PHF20: variants seen among roughly 807,000 people sequenced by gnomAD.
The protein encoded by PHF20 is glioma-expressed antigen 2.
Under a neutral mutation model 113.5 loss-of-function variants are expected in PHF20, and 23 were observed. The observed-to-expected ratio is 0.20, with a 90% CI of 0.15 to 0.29. The LOEUF (loss-of-function observed/expected upper bound fraction) is 0.29, where lower values mean the gene tolerates loss of function less well. Among genes scored for constraint, PHF20 ranks in the 10% least tolerant of loss-of-function variants. The pLI is 1.00. For missense variants in PHF20, 943 were observed against 1,219.6 expected (o/e 0.77, Z 3.38); for synonymous variants, 434 against 457.3 (o/e 0.95, Z 0.65).
intron 3 of PHF20, among the ~76,000 whole-genome samples, chr20:35,845,741 G>C (rs1158714570): frequency 1.3e-5 from 2 of 151,030 alleles, no homozygotes; most frequent in African/African-American, 4.9e-5. Context: ...GCTGCTTTTG[G>C]ATCTGACTCA....
intron 13 of PHF20, among the ~76,000 whole-genome samples, chr20:35,926,121 CAAAAA>C (rs527440244): frequency 1.4e-5 from 1 of 72,342 alleles, no homozygotes; most frequent in Non-Finnish European, 2.9e-5. Flanking sequence ...GACTCCATCT[CAAAAA>C]AAAAAAAAAA....
Position 35,941,098 on chromosome 20 carries a change from C to G in PHF20, c.2896+51C>G, listed in dbSNP as rs752391279. On this transcript the variant is annotated intron_variant, in intron 17 of 17. Coordinates refer to ENST00000374012, the MANE Select transcript of PHF20 (RefSeq NM_016436.5). ...TGCATTGGCATGCAGTCGAGCACCC[C>G]CAGACGAGCTGCTTTCTGAACCCCC... The G allele has an allele frequency of 2.7e-6, 4 of 1,486,322 alleles. No individual in the cohort carries two copies. In the East Asian group the frequency reaches 6.9e-5, roughly 26 times the overall value. 92.1% of individuals were successfully genotyped at this position (1,486,322 alleles called of 1,614,324 possible).
chr20:35,864,842 G>GT (rs1300322588), intron 6 of PHF20, among the ~76,000 whole-genome samples: 4 of 152,076 alleles, frequency 2.6e-5, no homozygotes, highest in African/African-American at 7.2e-5. Flanking sequence ...TGCTGTAAGT[G>GT]TAAGTAAATG....
chr20:35,871,223 G>T, intron 8 of PHF20, 89 bp downstream of exon 8: 1 of 1,037,808 alleles, frequency 9.6e-7, no homozygotes. Flanking sequence ...CCTTCCACAA[G>T]TATTAAATTG....
intron 10 of PHF20, among the ~76,000 whole-genome samples, chr20:35,902,581 A>G (rs1430094976): frequency 6.6e-6 from 1 of 152,292 alleles, no homozygotes; most frequent in South Asian, 2.1e-4. Context: ...TGGGGCAGGT[A>G]TTCCTGGCCA....
chr20:35,947,210 GAC>G (rs1283466725), intron 17 of PHF20, among the ~76,000 whole-genome samples: 1 of 152,210 alleles, frequency 6.6e-6, no homozygotes, highest in Non-Finnish European at 1.5e-5. Flanking sequence ...TGTATTGGAT[GAC>G]ACAGACTTGG....
At chr20:35,791,479 ATCTATCTATCT>A (rs1464820015) in intron 1 of PHF20, among the ~76,000 whole-genome samples, 2 of 132,568 alleles carry the variant, frequency 1.5e-5, no homozygotes, top group Admixed American at 7.4e-5. Flanking sequence ...CTATCTATCT[ATCTATCTATCT>A]ATCTATCTAT....
At chr20:35,824,564 G>A (rs906725863) in intron 2 of PHF20, among the ~76,000 whole-genome samples, 3 of 150,994 alleles carry the variant, frequency 2.0e-5, no homozygotes, top group South Asian at 2.1e-4. Flanking sequence ...CCAAGATCAC[G>A]CCATTGCACT....
chr20:35,894,934 C>T (rs1216438703), intron 9 of PHF20, among the ~76,000 whole-genome samples: 4 of 152,152 alleles, frequency 2.6e-5, no homozygotes, highest in South Asian at 2.1e-4. Flanking sequence ...CGGCTCACTG[C>T]GATCTCGACC....
At chr20:35,932,912 C>T (rs1046143487) in intron 15 of PHF20, among the ~76,000 whole-genome samples, 43 of 152,146 alleles carry the variant, frequency 2.8e-4, no homozygotes, top group Non-Finnish European at 1.2e-4. Flanking sequence ...AATTTGACTT[C>T]TCTAGAGACC....
chr20:35,916,357 G>A (rs758047843), intron 12 of PHF20, among the ~76,000 whole-genome samples: 6 of 152,184 alleles, frequency 3.9e-5, no homozygotes, highest in East Asian at 1.9e-4. Flanking sequence ...CAGAACAAGC[G>A]CTTAGTAAAA....
intron 9 of PHF20, among the ~76,000 whole-genome samples, chr20:35,877,610 C>T (rs2054555420): frequency 1.3e-5 from 2 of 150,114 alleles, no homozygotes. Context: ...TGGAGTCTCA[C>T]TCTTTTGCCC....
chr20:35,821,548 A>C (rs931543564), intron 2 of PHF20, among the ~76,000 whole-genome samples: 2 of 151,080 alleles, frequency 1.3e-5, no homozygotes, highest in Non-Finnish European at 1.5e-5. Context: ...GGTCCCAGCT[A>C]CTTGGGAGGT....
chr20:35,828,993 G>T (rs1266828590), intron 2 of PHF20, among the ~76,000 whole-genome samples: 1 of 152,200 alleles, frequency 6.6e-6, no homozygotes, highest in Non-Finnish European at 1.5e-5. Context: ...ATGGGGGGTT[G>T]AGGGGGCTTC....
chr20:35,801,454 T>G (rs2041779575), intron 1 of PHF20, 37 bp from the exon 2 acceptor site: 1 of 1,089,892 alleles, frequency 9.2e-7, no homozygotes, highest in Non-Finnish European at 1.4e-6. Context: ...GGGTGGACTT[T>G]GCCTAAGTTT....
At chr20:35,781,947 CA>C (rs796259771) in intron 1 of PHF20, among the ~76,000 whole-genome samples, 670 of 136,602 alleles carry the variant, frequency 4.9e-3, no homozygotes, top group African/African-American at 0.013. Flanking sequence ...GACTCCATCT[CA>C]AAAAAAAAAA....
chr20:35,845,381 A>T (rs1451650856), intron 3 of PHF20: 110 of 374,510 alleles, frequency 2.9e-4, no homozygotes, highest in South Asian at 5.1e-4. Flanking sequence ...GTTTTTTTTT[A>T]AAGAGACGTT....
intron 13 of PHF20, among the ~76,000 whole-genome samples, chr20:35,925,947 C>T (rs559740731): frequency 1.8e-4 from 27 of 151,048 alleles, no homozygotes; most frequent in Admixed American, 3.3e-4. Flanking sequence ...ACGGTAAAAC[C>T]CCATCTCTAC....
chr20:35,788,720 G>A (rs936796933), intron 1 of PHF20, among the ~76,000 whole-genome samples: 11 of 152,136 alleles, frequency 7.2e-5, no homozygotes, highest in Admixed American at 3.3e-4. Context: ...TGGGATTACC[G>A]GTGTACACCA....
Sources: allele counts gnomAD v4.1 joint callset (sites outside exome capture counted in the v4.1 genomes callset), GRCh38; gene constraint gnomAD v4.1.1; transcripts MANE v1.5; gene names NCBI Gene and HGNC (gene_info 2026-07-23, HGNC 2026-07-21).